The following RAPGEF5 variants were observed in gnomAD, a reference collection of about 807,000 sequenced individuals.
The protein encoded by RAPGEF5 is Rap guanine nucleotide exchange factor 5, also known as M-Ras-regulated GEF.
In RAPGEF5, 65 loss-of-function variants were observed where a neutral mutation model predicts 125.2. That is an observed-to-expected ratio of 0.52 (90% CI 0.43 to 0.64). RAPGEF5 has a LOEUF of 0.64. Among genes scored for constraint, RAPGEF5 ranks in the 30% least tolerant of loss-of-function variants. The pLI is 0.00. For synonymous variants in RAPGEF5, 391 were observed against 385.9 expected (o/e 1.01, Z -0.16); for missense variants, 958 against 1,048.1 (o/e 0.91, Z 1.19).
chr7:22,249,717 G>A lies in RAPGEF5; in HGVS notation c.796+17247C>T, dbSNP rs552765865. On this transcript the variant is annotated intron_variant, in intron 7 of 25. Transcript: ENST00000665637. ...CTATAACATATATGTTTTATTCTATGGTGACTGGTTTCTTAGACCACCAAA... is the reference window on the plus strand; with the variant it reads ...CTATAACATATATGTTTTATTCTATAGTGACTGGTTTCTTAGACCACCAAA... 2.6e-5 allele frequency among the ~76,000 whole-genome samples: 4 copies of A among 152,264 alleles called. No individual in the cohort carries two copies. In the South Asian group the frequency reaches 8.3e-4, roughly 32 times the overall value.
At chr7:22,181,513 C>T (rs1183787232) in intron 11 of RAPGEF5, among the ~76,000 whole-genome samples, 1 of 151,534 alleles carries the variant, frequency 6.6e-6, no homozygotes, top group Non-Finnish European at 1.5e-5. Flanking sequence ...CACCAAATAT[C>T]CTAAATGCCA....
intron 1 of RAPGEF5, among the ~76,000 whole-genome samples, chr7:22,331,003 A>G (rs1223340284): frequency 6.6e-6 from 1 of 152,200 alleles, no homozygotes; most frequent in African/African-American, 2.4e-5. Flanking sequence ...CAAGGATTTC[A>G]GCTTTGATCC....
chr7:22,227,020 T>C (rs1207394586), intron 8 of RAPGEF5, among the ~76,000 whole-genome samples: 2 of 151,690 alleles, frequency 1.3e-5, no homozygotes, highest in African/African-American at 4.8e-5. Context: ...TATAGAATTA[T>C]AAATTTACAT....
chr7:22,212,324 T>A (rs1274195416), intron 9 of RAPGEF5, among the ~76,000 whole-genome samples: 2 of 152,180 alleles, frequency 1.3e-5, no homozygotes, highest in Non-Finnish European at 2.9e-5. Context: ...TCACTTTTCA[T>A]AGCTCTCCTG....
chr7:22,196,343 T>A (rs1351550373), intron 9 of RAPGEF5, among the ~76,000 whole-genome samples: 1 of 152,174 alleles, frequency 6.6e-6, no homozygotes, highest in Non-Finnish European at 1.5e-5. Flanking sequence ...GGTATGAAAT[T>A]TTATTCTTGT....
intron 1 of RAPGEF5, among the ~76,000 whole-genome samples, chr7:22,326,929 A>G (rs1783825945): frequency 6.6e-6 from 1 of 152,226 alleles, no homozygotes; most frequent in African/African-American, 2.4e-5. Flanking sequence ...GGTAATGGAT[A>G]GGTTCGTGGC....
chr7:22,306,033 T>C (rs1562520209), intron 5 of RAPGEF5, among the ~76,000 whole-genome samples: 1 of 152,220 alleles, frequency 6.6e-6, no homozygotes, highest in South Asian at 2.1e-4. Flanking sequence ...AGGTATCCTT[T>C]TGATATATAA....
intron 6 of RAPGEF5, among the ~76,000 whole-genome samples, chr7:22,290,459 T>G (rs1356465716): frequency 6.6e-6 from 1 of 152,166 alleles, no homozygotes; most frequent in Non-Finnish European, 1.5e-5. Context: ...AAAACCACAA[T>G]GAAAGGCCGG....
At chr7:22,261,708 A>G (rs1346122840) in intron 7 of RAPGEF5, among the ~76,000 whole-genome samples, 2 of 152,342 alleles carry the variant, frequency 1.3e-5, no homozygotes, top group South Asian at 4.1e-4. Context: ...ATTGATGGAT[A>G]CCAATGGAAT....
intron 1 of RAPGEF5, among the ~76,000 whole-genome samples, chr7:22,333,101 T>A (rs10238401): frequency 2.0e-4 from 31 of 152,214 alleles, no homozygotes; most frequent in African/African-American, 7.2e-4. Flanking sequence ...ATATTCATAT[T>A]AAATGCTAAC....
At chr7:22,233,030 C>T (rs1786097598) in intron 7 of RAPGEF5, among the ~76,000 whole-genome samples, 1 of 152,104 alleles carries the variant, frequency 6.6e-6, no homozygotes, top group African/African-American at 2.4e-5. Flanking sequence ...AAGGGGGTTC[C>T]CTGTTGCTAC....
chr7:22,187,440 C>T (rs1784858480), intron 11 of RAPGEF5, among the ~76,000 whole-genome samples: 1 of 152,122 alleles, frequency 6.6e-6, no homozygotes, highest in African/African-American at 2.4e-5. Flanking sequence ...TTTCTCCTTT[C>T]GTAAAACATT....
chr7:22,163,444 G>A (rs147670508), intron 12 of RAPGEF5, among the ~76,000 whole-genome samples: 2 of 152,200 alleles, frequency 1.3e-5, no homozygotes, highest in East Asian at 1.9e-4. Flanking sequence ...ATGTTAGGAC[G>A]ATCTACTTCT....
intron 1 of RAPGEF5, among the ~76,000 whole-genome samples, chr7:22,324,921 T>C (rs1405259735): frequency 1.3e-5 from 2 of 152,220 alleles, no homozygotes; most frequent in Non-Finnish European, 2.9e-5. Context: ...GATCCACACC[T>C]TCCTTACCTG....
intron 2 of RAPGEF5, among the ~76,000 whole-genome samples, chr7:22,315,789 T>C (rs1019165508): frequency 6.6e-6 from 1 of 151,934 alleles, no homozygotes; most frequent in Non-Finnish European, 1.5e-5. Flanking sequence ...GTGTAAAACA[T>C]CCACTATTTT....
intron 2 of RAPGEF5, among the ~76,000 whole-genome samples, 185 bp from the exon 3 acceptor site, chr7:22,315,661 T>C (rs1298780047): frequency 6.6e-6 from 1 of 151,182 alleles, no homozygotes; most frequent in Non-Finnish European, 1.5e-5. Flanking sequence ...CCTACAACTA[T>C]CTTACTTTAT....
rs1408084478 is a variant in RAPGEF5 at position 22,340,970 on chromosome 7, G to A, written c.231+15860C>T. Among the ~76,000 whole-genome samples the A allele has an allele frequency of 7.2e-5, 11 of 152,290 alleles. No homozygotes were observed. The East Asian group carries it at 1.2e-3, about 16-fold the overall frequency. On this transcript the variant is annotated intron_variant, in intron 1 of 25. Transcript: ENST00000665637. ...GAACTTGTGCCACACTGAGTAACAC[G>A]AGGTGACTTATCATTATGGCCTCAG...
intron 7 of RAPGEF5, among the ~76,000 whole-genome samples, chr7:22,238,397 C>A (rs940400053): frequency 2.6e-5 from 4 of 152,106 alleles, no homozygotes; most frequent in African/African-American, 9.7e-5. Flanking sequence ...CATAATTTTT[C>A]CAACACACTA....
intron 7 of RAPGEF5, among the ~76,000 whole-genome samples, chr7:22,232,024 G>A (rs937145387): frequency 6.6e-6 from 1 of 152,196 alleles, no homozygotes; most frequent in Non-Finnish European, 1.5e-5. Context: ...GCCTGCAGAT[G>A]ACAATGACTC....
Sources: allele counts gnomAD v4.1 joint callset (sites outside exome capture counted in the v4.1 genomes callset), GRCh38; gene constraint gnomAD v4.1.1; transcripts MANE v1.5; gene names NCBI Gene and HGNC (gene_info 2026-07-23, HGNC 2026-07-21).